Variants in IGSF6 observed in about 807,000 individuals in gnomAD.
IGSF6 encodes down-regulated by activation (immunoglobulin superfamily).
In IGSF6, 23 loss-of-function variants were observed where a neutral mutation model predicts 24.7. That is an observed-to-expected ratio of 0.93 (90% confidence interval 0.67 to 1.32). IGSF6 has a LOEUF of 1.32. Among genes scored for constraint, IGSF6 ranks in the 40% most tolerant of loss-of-function variants. The pLI is 0.00. For missense variants in IGSF6, 295 were observed against 293.6 expected, an observed-to-expected ratio of 1.00 and a Z score of -0.04; for synonymous variants, 110 against 113.7, an observed-to-expected ratio of 0.97 and a Z score of 0.21.
At position 21,647,140 on chromosome 16, in the gene IGSF6, C is replaced by T. The variant is rs1367529983; in HGVS notation, c.420G>A (p.Val140=). 1 of 1,614,072 alleles carries T rather than the reference C, an allele frequency of 6.2e-7. No individual in the cohort carries two copies. The highest frequency in any genetic ancestry group is 1.3e-5 in the African/African-American group (1 of 74,916). The part of the protein sequence containing the change: ...AKQTGGGTTL[V]VREIKLLSKE... Reference sequence around the variant, plus strand: ...AAAGCCTCGCTGACTGACCTCTTACCACCAGTGTGGTCCCTCCTCCTGTCT... The same window carrying T: ...AAAGCCTCGCTGACTGACCTCTTACTACCAGTGTGGTCCCTCCTCCTGTCT... The change falls in exon 2 of 6, where the codon GTG becomes GTA. Residue 140 remains valine, a synonymous_variant. Transcript: ENST00000268389.
At chr16:21,649,387 G>A (rs373772113) in intron 1 of IGSF6, among the ~76,000 whole-genome samples, 1 of 152,166 alleles carries the variant, frequency 6.6e-6, no homozygotes, top group African/African-American at 2.4e-5. Context: ...ACAAGAGGGT[G>A]CAGTCACCTG....
rs1027551065 is a variant in IGSF6 at position 21,647,166 on chromosome 16, G to C, written c.394C>G (p.Gln132Glu). 1.7e-5 allele frequency: 27 copies of C among 1,614,016 alleles called. No homozygotes were observed. The highest frequency in any genetic ancestry group is 2.3e-5 in the Non-Finnish European group (27 of 1,179,992). ...FPSVPEARAK[Q>E]TGGGTTLVVR... ...ACCAGTGTGGTCCCTCCTCCTGTCT[G>C]TTTAGCTCTCGCTTCCGGCACACTG... Residue 132 changes from glutamine (Q) to glutamate (E), a missense_variant, in exon 2 of 6, where the codon CAG (glutamine) becomes GAG (glutamate). Transcript: ENST00000268389.
intron 1 of IGSF6, among the ~76,000 whole-genome samples, chr16:21,648,627 A>G (rs1157577236): frequency 6.6e-6 from 1 of 152,210 alleles, no homozygotes; most frequent in Non-Finnish European, 1.5e-5. Flanking sequence ...TATCCCAGGC[A>G]TGTGAAGCTG....
At chr16:21,645,419 G>A (rs983682963) in intron 2 of IGSF6, among the ~76,000 whole-genome samples, 2 of 151,998 alleles carry the variant, frequency 1.3e-5, no homozygotes, top group South Asian at 2.1e-4. Context: ...ATCACGCCAC[G>A]GCACTCCAGC....
chr16:21,644,409 A>G lies in IGSF6; in HGVS notation c.428-13T>C. 1 of 1,563,778 alleles carries G rather than the reference A, an allele frequency of 6.4e-7. No homozygotes were observed. Among genetic ancestry groups the G allele is most frequent in the Non-Finnish European group, 8.8e-7 (1 of 1,134,568 alleles). On this transcript the variant is annotated splice_polypyrimidine_tract_variant and intron_variant, in intron 2 of 5. Transcript: ENST00000268389. Reference sequence around the variant, plus strand: ...AGCAGCTTAATTTCTTAATGACAAAAACAGAAAGAAGCACATTGACTATTA... The same window carrying G: ...AGCAGCTTAATTTCTTAATGACAAAGACAGAAAGAAGCACATTGACTATTA...
At chr16:21,643,270 C>T (rs995962877) in intron 4 of IGSF6, 116 bp from the exon 5 acceptor site, 12 of 748,260 alleles carry the variant, frequency 1.6e-5, no homozygotes, top group Non-Finnish European at 2.6e-5. Flanking sequence ...TACCCCCTCC[C>T]CCAACACATA....
Position 21,652,594 on chromosome 16 carries a change from C to T in IGSF6, c.5G>A (p.Gly2Glu). 3 of 1,608,498 alleles carry T rather than the reference C, an allele frequency of 1.9e-6. No homozygotes were observed. Among genetic ancestry groups the T allele is most frequent in the Non-Finnish European group, 2.5e-6 (3 of 1,177,244 alleles). Reference protein sequence around the residue: MGTASRSNIARH... With the variant: METASRSNIARH... Reference sequence around the variant, plus strand: ...AGCGATGTTGCTTCTGCTCGCAGTCCCCATTTCTGTGTATGCCGGGGCGGG... The same window carrying T: ...AGCGATGTTGCTTCTGCTCGCAGTCTCCATTTCTGTGTATGCCGGGGCGGG... The change falls in exon 1 of 6, where the codon GGG (glycine) becomes GAG (glutamate). Residue 2 changes from glycine to glutamate, a missense_variant. Gly to Glu is a moderately conservative substitution (Grantham distance 98). Transcript: ENST00000268389.
chr16:21,652,375 A>G (rs1005564024), intron 1 of IGSF6, 157 bp downstream of exon 1: 31 of 515,002 alleles, frequency 6.0e-5, no homozygotes, highest in Non-Finnish European at 9.1e-5. Flanking sequence ...TTTATTGTCT[A>G]TTTCTCAGGG....
intron 1 of IGSF6, among the ~76,000 whole-genome samples, chr16:21,649,507 A>G (rs1426031170): frequency 6.6e-6 from 1 of 152,120 alleles, no homozygotes; most frequent in East Asian, 1.9e-4. Context: ...ATACAACCTC[A>G]TGTCTCCTGC....
chr16:21,649,212 T>TG (rs1436315803), intron 1 of IGSF6, among the ~76,000 whole-genome samples: 10 of 152,112 alleles, frequency 6.6e-5, no homozygotes, highest in African/African-American at 2.2e-4. Context: ...AGGCTGATCT[T>TG]GCACCCCTAA....
rs1387186689 is a variant in IGSF6 at position 21,647,241 on chromosome 16, T to A, written c.319A>T (p.Arg107Ter). 1.1e-5 allele frequency: 17 copies of A among 1,614,108 alleles called. No individual in the cohort carries two copies. Among genetic ancestry groups the A allele is most frequent in the African/African-American group, 1.3e-5 (1 of 74,934 alleles). ...ATTGCACTGTCATTTGAAGTCACTCTGTTTACAGTGAGGGAAACTTGGTTT... is the reference window on the plus strand; with the variant it reads ...ATTGCACTGTCATTTGAAGTCACTCAGTTTACAGTGAGGGAAACTTGGTTT... ...KENQVSLTVN[R>*]VTSNDSAIYI... is the part of the protein sequence containing the mutation. The change falls in exon 2 of 6, where the codon AGA (arginine) becomes TGA (stop). Residue 107 changes from arginine (R) to a stop codon, truncating the protein, a stop_gained. Transcript: ENST00000268389. LOFTEE classifies it high-confidence loss of function.
At position 21,643,717 on chromosome 16, in the gene IGSF6, C is replaced by G. The variant is rs1181904172; in HGVS notation, c.535-119G>C. 7 of 638,260 alleles carry G rather than the reference C, an allele frequency of 1.1e-5. No individual in the cohort carries two copies. In the East Asian group the frequency reaches 2.0e-4, roughly 18 times the overall value. The allele number at this position is 638,260 out of a possible 1,614,324, so 39.5% of individuals were successfully genotyped here. On this transcript the variant is annotated intron_variant, in intron 3 of 5. Coordinates refer to ENST00000268389, the MANE Select transcript of IGSF6 (RefSeq NM_005849.4). The stretch of plus-strand genomic sequence containing the variant: ...AATATTTAAGTGATATACAATGAGA[C>G]TTAATTTTTACATCATTTTTGAGAT...
rs906711066 is a variant in IGSF6, at chr16:21,640,744, G to C, written c.*790C>G. On this transcript the variant is annotated 3_prime_UTR_variant, in exon 6 of 6. Transcript: ENST00000268389. ...ATTGCACCACTGCACTCCACCCTGG[G>C]CAACAGAACGAGACTCTGTCTCAAA... 2.1e-5 allele frequency: 3 copies of C among 141,950 alleles called. No individual in the cohort carries two copies. Among genetic ancestry groups the C allele is most frequent in the African/African-American group, 8.0e-5 (3 of 37,334 alleles). The allele number at this position is 141,950 out of a possible 1,614,324, so 8.8% of individuals were successfully genotyped here.
intron 5 of IGSF6, 113 bp downstream of exon 5, chr16:21,642,961 C>T (rs1032573223): frequency 1.5e-6 from 1 of 663,982 alleles, no homozygotes; most frequent in Non-Finnish European, 2.6e-6. Flanking sequence ...TGAAAGTTCT[C>T]TTTCAGACTC....
rs1208342991 is a variant in IGSF6 at position 21,641,030 on chromosome 16, C to A, written c.*504G>T. Reference sequence around the variant, plus strand: ...ATGTAAGTTACTTTGCATACCCTGGCAGGCAAATGTGCGTTACCCCACTGC... The same window carrying A: ...ATGTAAGTTACTTTGCATACCCTGGAAGGCAAATGTGCGTTACCCCACTGC... On this transcript the variant is annotated 3_prime_UTR_variant, in exon 6 of 6. Transcript: ENST00000268389. 2.0e-5 allele frequency: 3 copies of A among 152,292 alleles called. No homozygotes were observed. The highest frequency in any genetic ancestry group is 2.1e-4 in the South Asian group (1 of 4,842). 9.4% of individuals were successfully genotyped at this position (152,292 alleles called of 1,614,324 possible).
chr16:21,641,817 T>A (rs1966279576), intron 5 of IGSF6, among the ~76,000 whole-genome samples: 2 of 152,142 alleles, frequency 1.3e-5, no homozygotes, highest in South Asian at 4.1e-4. Context: ...GTCAAAATCG[T>A]GGCTGGGAGC....
In IGSF6 at chr16:21,650,264, T is replaced by A. The variant is rs12925042; in HGVS notation, c.67+2268A>T. Among the ~76,000 whole-genome samples the A allele has an allele frequency of 7.0e-3, 1,066 of 152,300 alleles. 7 individuals carry two copies. The highest frequency in any genetic ancestry group is 0.011 in the Non-Finnish European group (767 of 68,010). Reference sequence around the variant, plus strand: ...GCTCACGCCTGTAATCCCAGCACTTTGGGATGCCGAGGCGGGCAGATCACC... The same window carrying A: ...GCTCACGCCTGTAATCCCAGCACTTAGGGATGCCGAGGCGGGCAGATCACC... On this transcript the variant is annotated intron_variant, in intron 1 of 5. Coordinates refer to ENST00000268389, the MANE Select transcript of IGSF6 (RefSeq NM_005849.4).
intron 1 of IGSF6, 60 bp downstream of exon 1, chr16:21,652,472 T>G: frequency 7.8e-7 from 1 of 1,288,038 alleles, no homozygotes; most frequent in South Asian, 1.3e-5. Flanking sequence ...ATAAATGCAT[T>G]AGGTGAAAAA....
intron 2 of IGSF6, among the ~76,000 whole-genome samples, chr16:21,644,841 T>C (rs988721163): frequency 1.3e-5 from 2 of 152,216 alleles, no homozygotes; most frequent in Non-Finnish European, 2.9e-5. Flanking sequence ...GCCTTGGAAC[T>C]AGTACACATA....
Sources: gnomAD v4.1 joint callset for allele counts (sites outside exome capture counted in the v4.1 genomes callset) on GRCh38, gnomAD v4.1.1 for gene constraint, MANE v1.5 for transcripts, NCBI Gene and HGNC (gene_info 2026-07-23, HGNC 2026-07-21) for gene names.